Variants in RALYL observed in about 807,000 individuals in gnomAD.
RALYL encodes RALY RNA binding protein like.
A neutral mutation model predicts 35.1 loss-of-function variants in RALYL; 29 were observed. The observed-to-expected ratio is 0.83, with a 90% CI of 0.61 to 1.13. The LOEUF (loss-of-function observed/expected upper bound fraction) is 1.13. Ranked by LOEUF, RALYL falls within the 50% of genes most tolerant of loss-of-function variation. RALYL has a pLI of 0.00. For missense variants in RALYL, 359 were observed against 360.4 expected (o/e 1.00, Z 0.03); for synonymous variants, 120 against 127.6 (o/e 0.94, Z 0.40).
At chr8:84,878,936 G>A (rs186390590) in intron 7 of RALYL, among the ~76,000 whole-genome samples, 31 of 152,236 alleles carry the variant, frequency 2.0e-4, no homozygotes, top group Non-Finnish European at 4.3e-4. Context: ...CCCAAGGCAC[G>A]GGAACCATCT....
chr8:84,340,189 T>C (rs753495868), intron 1 of RALYL, among the ~76,000 whole-genome samples: 1 of 152,088 alleles, frequency 6.6e-6, no homozygotes, highest in Admixed American at 6.6e-5. Flanking sequence ...TTTATTAAAT[T>C]ACCTAGTCTC....
chr8:84,372,600 C>G (rs1190532732), intron 1 of RALYL, among the ~76,000 whole-genome samples: 1 of 151,872 alleles, frequency 6.6e-6, no homozygotes, highest in Non-Finnish European at 1.5e-5. Flanking sequence ...ATAAGCTAGT[C>G]AGGTGTGCTG....
chr8:84,883,140 CT>C (rs1003816429), intron 7 of RALYL, among the ~76,000 whole-genome samples: 3 of 151,772 alleles, frequency 2.0e-5, no homozygotes, highest in East Asian at 1.9e-4. Context: ...ATAATTAAAG[CT>C]TTTTTTTCCC....
chr8:84,814,019 G>A (rs111549381), intron 4 of RALYL, among the ~76,000 whole-genome samples: 88 of 151,390 alleles, frequency 5.8e-4, no homozygotes, highest in African/African-American at 2.1e-3. Flanking sequence ...TTATCCTTGC[G>A]ATAGTTTGCT....
At chr8:84,810,680 C>T (rs2134089201) in intron 4 of RALYL, among the ~76,000 whole-genome samples, 1 of 152,172 alleles carries the variant, frequency 6.6e-6, no homozygotes, top group East Asian at 1.9e-4. Flanking sequence ...GTGTTAGGTG[C>T]ATATATGTTT....
intron 4 of RALYL, among the ~76,000 whole-genome samples, chr8:84,845,141 A>C (rs1834357503): frequency 6.6e-6 from 1 of 152,112 alleles, no homozygotes; most frequent in Non-Finnish European, 1.5e-5. Flanking sequence ...AAAAATAAAA[A>C]ATTTAGTCAC....
intron 2 of RALYL, among the ~76,000 whole-genome samples, chr8:84,613,334 C>A (rs1361477334): frequency 1.3e-5 from 2 of 151,532 alleles, no homozygotes; most frequent in South Asian, 4.1e-4. Context: ...TTACTGTGTT[C>A]TTTCACAAAA....
intron 1 of RALYL, among the ~76,000 whole-genome samples, chr8:84,260,333 C>T (rs1832018821): frequency 6.6e-6 from 1 of 152,060 alleles, no homozygotes; most frequent in Non-Finnish European, 1.5e-5. Flanking sequence ...ATTTATTGTT[C>T]CTGTCCCAGG....
At chr8:84,743,438 C>CA (rs879874430) in intron 2 of RALYL, among the ~76,000 whole-genome samples, 152 of 143,388 alleles carry the variant, frequency 1.1e-3, no homozygotes, top group Non-Finnish European at 1.2e-3. Flanking sequence ...TCACCACCAA[C>CA]AAAAAAAAAA....
At chr8:84,616,833 A>G (rs1369174941) in intron 2 of RALYL, among the ~76,000 whole-genome samples, 1 of 151,806 alleles carries the variant, frequency 6.6e-6, no homozygotes, top group Non-Finnish European at 1.5e-5. Context: ...TCCCAGCACC[A>G]TTTATTAAGT....
intron 2 of RALYL, among the ~76,000 whole-genome samples, chr8:84,604,068 T>C (rs564468563): frequency 6.6e-6 from 1 of 152,200 alleles, no homozygotes; most frequent in South Asian, 2.1e-4. Context: ...AATCATAGCT[T>C]CTTCCACCCT....
intron 4 of RALYL, among the ~76,000 whole-genome samples, chr8:84,820,756 G>A (rs552854614): frequency 6.6e-5 from 10 of 152,042 alleles, no homozygotes; most frequent in East Asian, 3.9e-4. Flanking sequence ...CCCTGTGTCC[G>A]TGTGTTCTCA....
At chr8:84,794,050 G>T (rs1163621499) in intron 3 of RALYL, among the ~76,000 whole-genome samples, 2 of 152,160 alleles carry the variant, frequency 1.3e-5, no homozygotes, top group Non-Finnish European at 2.9e-5. Flanking sequence ...GGACCTGATG[G>T]GTATGAGACT....
chr8:84,576,695 A>G (rs1239166436), intron 2 of RALYL, among the ~76,000 whole-genome samples: 1 of 152,218 alleles, frequency 6.6e-6, no homozygotes, highest in Admixed American at 6.5e-5. Context: ...GATTAAGTAA[A>G]TATCCAGATC....
chr8:84,482,868 T>C (rs1334697366), intron 1 of RALYL, among the ~76,000 whole-genome samples: 1 of 152,048 alleles, frequency 6.6e-6, no homozygotes, highest in African/African-American at 2.4e-5. Context: ...CTCTTGTAGG[T>C]CACTGATTCA....
At chr8:84,666,483 G>A (rs1230611546) in intron 2 of RALYL, among the ~76,000 whole-genome samples, 1 of 152,002 alleles carries the variant, frequency 6.6e-6, no homozygotes, top group East Asian at 1.9e-4. Flanking sequence ...AGAGACATGT[G>A]GAATGGAAAG....
chr8:84,578,963 C>T (rs1274143988), intron 2 of RALYL, among the ~76,000 whole-genome samples: 1 of 152,196 alleles, frequency 6.6e-6, no homozygotes, highest in African/African-American at 2.4e-5. Context: ...GCTCGGCCCA[C>T]AGGCTTCAGG....
chr8:84,686,890 C>T (rs1006151200), intron 2 of RALYL, among the ~76,000 whole-genome samples: 1 of 152,068 alleles, frequency 6.6e-6, no homozygotes, highest in African/African-American at 2.4e-5. Flanking sequence ...TTTTGTGTAA[C>T]CCACCTAATA....
chr8:84,580,408 G>C (rs1810546499), intron 2 of RALYL, among the ~76,000 whole-genome samples: 1 of 152,094 alleles, frequency 6.6e-6, no homozygotes, highest in African/African-American at 2.4e-5. Flanking sequence ...ACCTCAGGCA[G>C]CTTTCACTCA....
Sources: allele counts gnomAD v4.1 joint callset (sites outside exome capture counted in the v4.1 genomes callset), GRCh38; gene constraint gnomAD v4.1.1; transcripts MANE v1.5; gene names NCBI Gene and HGNC (gene_info 2026-07-23, HGNC 2026-07-21).